Variants in ADGRL3 observed in about 807,000 individuals in gnomAD.
The protein encoded by ADGRL3 is calcium-independent alpha-latrotoxin receptor 3.
A neutral mutation model predicts 153.5 loss-of-function variants in ADGRL3; 62 were observed. The observed-to-expected ratio is 0.40, with a 90% CI of 0.33 to 0.50. ADGRL3 has a LOEUF of 0.50. Among genes scored for constraint, ADGRL3 ranks in the 20% least tolerant of loss-of-function variants. ADGRL3 has a pLI of 0.47. For synonymous variants in ADGRL3, 710 were observed against 672.5 expected (o/e 1.06, Z -0.86); for missense variants, 1,641 against 1,859.4 (o/e 0.88, Z 2.16).
intron 5 of ADGRL3, among the ~76,000 whole-genome samples, chr4:61,665,692 G>T (rs1471238799): frequency 6.6e-6 from 1 of 152,056 alleles, no homozygotes; most frequent in African/African-American, 2.4e-5. Context: ...ACATTTGCTG[G>T]TTTTTGTCTA....
At chr4:61,861,469 T>C (rs1343605254) in intron 9 of ADGRL3, among the ~76,000 whole-genome samples, 2 of 152,042 alleles carry the variant, frequency 1.3e-5, no homozygotes, top group African/African-American at 4.8e-5. Context: ...GTATGCTTGA[T>C]TGAGCAACAA....
chr4:61,600,891 A>T (rs938571965), intron 5 of ADGRL3, among the ~76,000 whole-genome samples: 7 of 152,188 alleles, frequency 4.6e-5, no homozygotes, highest in Admixed American at 1.3e-4. Flanking sequence ...TTGATATTTA[A>T]TTATTTTCTT....
intron 2 of ADGRL3, among the ~76,000 whole-genome samples, chr4:61,410,730 G>A (rs1461320606): frequency 6.6e-6 from 1 of 152,166 alleles, no homozygotes; most frequent in Non-Finnish European, 1.5e-5. Flanking sequence ...AACCTTTGCT[G>A]AATGCCCACA....
chr4:61,490,699 A>G (rs766222901), intron 2 of ADGRL3, among the ~76,000 whole-genome samples: 1 of 8,544 alleles, frequency 1.2e-4, no homozygotes, highest in Non-Finnish European at 6.3e-4. Flanking sequence ...CTCAATATTG[A>G]AAAAAAAAAA....
rs769983094 is a variant in ADGRL3 at position 61,733,115 on chromosome 4, C to T, written c.960C>T (p.Thr320=). The part of the protein sequence containing the change: ...AIIANANYHD[T]SPYRWGGKSD... Reference sequence around the variant, plus strand: ...TAGCAAATGCCAATTACCATGATACCTCCCCTTACCGATGGGGAGGCAAAT... The same window carrying T: ...TAGCAAATGCCAATTACCATGATACTTCCCCTTACCGATGGGGAGGCAAAT... The change falls in exon 8 of 27, where the codon ACC becomes ACT. Residue 320 remains threonine (T), a synonymous_variant. Coordinates refer to ENST00000683033, the MANE Select transcript of ADGRL3 (RefSeq NM_001387552.1). 1.2e-6 allele frequency: 2 copies of T among 1,613,280 alleles called. No individual in the cohort carries two copies. The highest frequency in any genetic ancestry group is 1.7e-6 in the Non-Finnish European group (2 of 1,179,660).
chr4:61,993,699 C>T (rs2099111823), intron 19 of ADGRL3, among the ~76,000 whole-genome samples: 1 of 152,102 alleles, frequency 6.6e-6, no homozygotes, highest in African/African-American at 2.4e-5. Context: ...CTCTCTCTCT[C>T]TCTCTCCCTC....
chr4:61,378,688 C>A (rs2096633317), intron 1 of ADGRL3, among the ~76,000 whole-genome samples: 1 of 151,924 alleles, frequency 6.6e-6, no homozygotes, highest in Admixed American at 6.6e-5. Flanking sequence ...GTTTGTAATA[C>A]AAAAATTGTA....
intron 1 of ADGRL3, among the ~76,000 whole-genome samples, chr4:61,289,862 T>A (rs1044055631): frequency 1.3e-5 from 2 of 152,122 alleles, no homozygotes; most frequent in African/African-American, 4.8e-5. Context: ...CACTGGTTCC[T>A]CAGGTTACTC....
At chr4:61,873,355 CCCTAA>C (rs1295794388) in intron 9 of ADGRL3, among the ~76,000 whole-genome samples, 1 of 152,210 alleles carries the variant, frequency 6.6e-6, no homozygotes, top group African/African-American at 2.4e-5. Flanking sequence ...CAACTTCCCT[CCCTAA>C]CCTAATTCAA....
At chr4:61,353,228 T>A (rs1354113403) in intron 1 of ADGRL3, among the ~76,000 whole-genome samples, 1 of 152,172 alleles carries the variant, frequency 6.6e-6, no homozygotes, top group Non-Finnish European at 1.5e-5. Context: ...TATATTTATG[T>A]GTGTGTGCAT....
Position 61,402,347 on chromosome 4 carries a change from C to CTT in ADGRL3, c.-174+19159_-174+19160dup, listed in dbSNP as rs530293969. On this transcript the variant is annotated intron_variant, in intron 2 of 26. Transcript: ENST00000683033. Reference sequence around the variant, plus strand: ...AAATTTTTTTAAAAATTATTCTTTGCTTCCACCAATGATTTAATCATTTGA... The same window carrying CTT: ...AAATTTTTTTAAAAATTATTCTTTGCTTTTCCACCAATGATTTAATCATTTGA... Among the ~76,000 whole-genome samples the CTT allele has an allele frequency of 9.2e-5, 14 of 152,206 alleles. No individual in the cohort carries two copies. The South Asian group carries it at 2.7e-3, about 29-fold the overall frequency.
chr4:61,772,750 A>G (rs2345047), intron 8 of ADGRL3, among the ~76,000 whole-genome samples: 84,966 of 151,928 alleles, frequency 0.56, 26,024 homozygotes, highest in African/African-American at 0.81. Context: ...AGTTTCTTAT[A>G]AAATGCTTCA....
intron 3 of ADGRL3, among the ~76,000 whole-genome samples, chr4:61,508,520 T>C (rs1000112411): frequency 1.3e-5 from 2 of 152,214 alleles, no homozygotes; most frequent in African/African-American, 4.8e-5. Context: ...AAAAATTTTT[T>C]TAACCTACAT....
chr4:61,209,434 A>G (rs932248583), intron 1 of ADGRL3, among the ~76,000 whole-genome samples: 2 of 152,190 alleles, frequency 1.3e-5, no homozygotes, highest in East Asian at 1.9e-4. Context: ...ACCTTTTGTT[A>G]TTAGTCATAG....
At chr4:61,627,291 T>G (rs2092891511) in intron 5 of ADGRL3, among the ~76,000 whole-genome samples, 1 of 152,156 alleles carries the variant, frequency 6.6e-6, no homozygotes, top group South Asian at 2.1e-4. Context: ...TATATATTCC[T>G]TCAGAGTTGG....
At chr4:61,954,904 G>T (rs540300377) in intron 17 of ADGRL3, among the ~76,000 whole-genome samples, 2 of 152,262 alleles carry the variant, frequency 1.3e-5, no homozygotes, top group East Asian at 3.9e-4. Flanking sequence ...AGAATTTATG[G>T]TTTATCAAGG....
intron 1 of ADGRL3, among the ~76,000 whole-genome samples, chr4:61,303,019 G>A (rs558730170): frequency 5.8e-4 from 88 of 152,266 alleles, no homozygotes; most frequent in African/African-American, 2.0e-3. Flanking sequence ...AAAGACGACA[G>A]TATACTATTA....
intron 2 of ADGRL3, among the ~76,000 whole-genome samples, chr4:61,421,674 A>G (rs1307483072): frequency 6.6e-6 from 1 of 152,124 alleles, no homozygotes; most frequent in Non-Finnish European, 1.5e-5. Context: ...AATTATTTCT[A>G]ACTTTATAAT....
chr4:61,589,165 TTAGTAAA>T (rs1003491709), intron 5 of ADGRL3, among the ~76,000 whole-genome samples: 2 of 152,016 alleles, frequency 1.3e-5, no homozygotes, highest in Non-Finnish European at 2.9e-5. Context: ...TTAAGCACCG[TTAGTAAA>T]TCACTTGTGT....
Sources: allele counts gnomAD v4.1 joint callset (sites outside exome capture counted in the v4.1 genomes callset), GRCh38; gene constraint gnomAD v4.1.1; transcripts MANE v1.5; gene names NCBI Gene and HGNC (gene_info 2026-07-23, HGNC 2026-07-21).